COL19A1: variants seen among roughly 807,000 people sequenced by gnomAD.
COL19A1 encodes the protein collagen alpha-1(XIX) chain.
COL19A1 carries 159 observed loss-of-function variants against 190.2 expected under a neutral mutation model. The observed-to-expected ratio is 0.84, with a 90% confidence interval of 0.73 to 0.95. The LOEUF is 0.95. Ranked by LOEUF, COL19A1 falls within the 40% of genes least tolerant of loss-of-function variation. The pLI is 0.00. For missense variants in COL19A1, 1,418 were observed against 1,431.9 expected (o/e 0.99, Z 0.16); for synonymous variants, 509 against 458.9 (o/e 1.11, Z -1.39).
intron 4 of COL19A1, among the ~76,000 whole-genome samples, chr6:69,926,207 T>G (rs58229763): frequency 0.18 from 27,716 of 151,960 alleles, 3,195 homozygotes; most frequent in African/African-American, 0.32. Context: ...CCTTCAGTAT[T>G]TTATTGGCTG....
At chr6:69,919,519 G>A (rs912200259) in intron 4 of COL19A1, among the ~76,000 whole-genome samples, 7 of 151,808 alleles carry the variant, frequency 4.6e-5, no homozygotes, top group African/African-American at 1.7e-4. Context: ...AAACTTTTAG[G>A]TTTTATTCTG....
At chr6:69,927,458 C>T (rs1045568518) in intron 4 of COL19A1, among the ~76,000 whole-genome samples, 2 of 152,124 alleles carry the variant, frequency 1.3e-5, no homozygotes, top group African/African-American at 2.4e-5. Context: ...TCAGTTGGGA[C>T]TAAGAAATCA....
intron 17 of COL19A1, among the ~76,000 whole-genome samples, chr6:70,124,859 A>T (rs1785100070): frequency 6.6e-6 from 1 of 152,156 alleles, no homozygotes; most frequent in East Asian, 1.9e-4. Context: ...CTTACCAAAC[A>T]CTTTATTCTG....
At chr6:70,016,846 A>G (rs1157561673) in intron 11 of COL19A1, among the ~76,000 whole-genome samples, 4 of 152,126 alleles carry the variant, frequency 2.6e-5, no homozygotes, top group African/African-American at 4.8e-5. Context: ...AATGGCTATA[A>G]TCAAAAAGAT....
chr6:70,202,859 G>A (rs1289200012), intron 49 of COL19A1, among the ~76,000 whole-genome samples: 1 of 152,186 alleles, frequency 6.6e-6, no homozygotes, highest in Non-Finnish European at 1.5e-5. Flanking sequence ...GATTGTCGAT[G>A]TCTTTTTTAA....
In COL19A1 at chr6:69,927,877, C is replaced by T. The variant is rs374018135; in HGVS notation, c.267-32C>T. The T allele has an allele frequency of 2.5e-6, 4 of 1,578,172 alleles. No individual in the cohort carries two copies. The South Asian group carries it at 4.6e-5, about 18-fold the overall frequency. On this transcript the variant is annotated intron_variant, in intron 4 of 50. Coordinates refer to ENST00000620364, the MANE Select transcript of COL19A1 (RefSeq NM_001858.6). ...TTTATTTTCTTGCAATCTCCAGTTT[C>T]CCCACAAAAGTTCTTTGTTTTCCTC...
intron 11 of COL19A1, among the ~76,000 whole-genome samples, chr6:69,968,480 T>A (rs554687571): frequency 1.6e-4 from 24 of 152,292 alleles, no homozygotes; most frequent in Non-Finnish European, 3.2e-4. Context: ...AGAAATTAGA[T>A]AATCAGACTA....
At chr6:70,060,840 G>T (rs924757380) in intron 14 of COL19A1, among the ~76,000 whole-genome samples, 35 of 152,078 alleles carry the variant, frequency 2.3e-4, no homozygotes, top group African/African-American at 8.2e-4. Context: ...CCCCATCAGG[G>T]TTCATGGAAA....
At chr6:70,198,378 A>G (rs1051399082) in intron 48 of COL19A1, among the ~76,000 whole-genome samples, 19 of 152,346 alleles carry the variant, frequency 1.2e-4, no homozygotes, top group Non-Finnish European at 5.9e-5. Context: ...AATTGTGTGT[A>G]AATTATTTTA....
At chr6:69,995,819 G>A (rs1263258220) in intron 11 of COL19A1, among the ~76,000 whole-genome samples, 2 of 152,128 alleles carry the variant, frequency 1.3e-5, no homozygotes, top group Non-Finnish European at 2.9e-5. Flanking sequence ...ATTGAGATAA[G>A]CTGATTTTAT....
At chr6:70,194,085 AGCTAATGCTATCTCT>A (rs938780307) in intron 48 of COL19A1, among the ~76,000 whole-genome samples, 1 of 152,236 alleles carries the variant, frequency 6.6e-6, no homozygotes, top group African/African-American at 2.4e-5. Context: ...TGTCAATAAC[AGCTAATGCTATCTCT>A]GCTGCACGCA....
rs527925901 is a variant in COL19A1, at chr6:69,945,585, C to G, written c.936+7485C>G. Among the ~76,000 whole-genome samples the G allele has an allele frequency of 1.7e-4, 26 of 151,924 alleles. No homozygotes were observed. The South Asian group carries it at 5.4e-3, about 32-fold the overall frequency. ...GGATTTAATATTATTCTTTTGACTT[C>G]TTTTAATATGTCAATATAAGAAATA... On this transcript the variant is annotated intron_variant, in intron 9 of 50. Transcript: ENST00000620364.
chr6:70,090,042 G>A (rs1782809192), intron 15 of COL19A1, among the ~76,000 whole-genome samples: 1 of 152,026 alleles, frequency 6.6e-6, no homozygotes, highest in Non-Finnish European at 1.5e-5. Flanking sequence ...GCTAAGTATG[G>A]TGGCACATAC....
At chr6:69,981,013 A>G (rs1425933924) in intron 11 of COL19A1, among the ~76,000 whole-genome samples, 1 of 152,206 alleles carries the variant, frequency 6.6e-6, no homozygotes, top group African/African-American at 2.4e-5. Context: ...ACTTATATAA[A>G]TATATTACAT....
intron 11 of COL19A1, among the ~76,000 whole-genome samples, chr6:69,969,137 T>G (rs1294732792): frequency 1.3e-5 from 2 of 152,170 alleles, no homozygotes; most frequent in African/African-American, 4.8e-5. Context: ...AGATGTTCAA[T>G]AAATGTTAAT....
chr6:70,199,582 T>C, intron 48 of COL19A1, 26 bp from the exon 49 acceptor site: 1 of 1,446,680 alleles, frequency 6.9e-7, no homozygotes, highest in South Asian at 1.6e-5. Context: ...TTCTATGATA[T>C]ATTATTTTTT....
chr6:70,151,797 T>C (rs1160675415), intron 31 of COL19A1, among the ~76,000 whole-genome samples: 1 of 152,128 alleles, frequency 6.6e-6, no homozygotes. Context: ...TGACTCACCC[T>C]GGCTCACTAC....
chr6:69,890,337 A>G (rs1769262111), intron 2 of COL19A1: 1 of 152,206 alleles, frequency 6.6e-6, no homozygotes, highest in Non-Finnish European at 1.5e-5. Flanking sequence ...CTTTCCCACT[A>G]CAGATTAACT....
chr6:69,923,656 A>C (rs1249491590), intron 4 of COL19A1, among the ~76,000 whole-genome samples: 1 of 152,200 alleles, frequency 6.6e-6, no homozygotes, highest in African/African-American at 2.4e-5. Flanking sequence ...CATAGAGGGC[A>C]CTAGAAAGCT....
Sources: allele counts gnomAD v4.1 joint callset (sites outside exome capture counted in the v4.1 genomes callset), GRCh38; gene constraint gnomAD v4.1.1; transcripts MANE v1.5; gene names NCBI Gene and HGNC (gene_info 2026-07-23, HGNC 2026-07-21).